Variants in SF1 observed in about 807,000 individuals in gnomAD.
SF1 encodes the protein splicing factor 1.
SF1 carries 7 observed loss-of-function variants against 62.5 expected under a neutral mutation model. The observed-to-expected ratio is 0.11, with a 90% CI of 0.06 to 0.21. The LOEUF (loss-of-function observed/expected upper bound fraction) is 0.21, where lower values mean the gene tolerates loss of function less well. Among genes scored for constraint, SF1 ranks in the 10% least tolerant of loss-of-function variants. The probability of loss-of-function intolerance (pLI) is 1.00; values close to 1 mark genes in which losing one functional copy is unlikely to be tolerated. For missense variants in SF1, 578 were observed against 884.0 expected (o/e 0.65, Z 4.39); for synonymous variants, 394 against 323.6 (o/e 1.22, Z -2.33).
chr11:64,769,207 T>C lies in SF1; in HGVS notation c.779+16A>G, dbSNP rs1221910972. 5.6e-6 allele frequency: 9 copies of C among 1,612,820 alleles called. No individual in the cohort carries two copies. In the Middle Eastern group the frequency reaches 8.3e-4, roughly 148 times the overall value. On this transcript the variant is annotated intron_variant, in intron 7 of 12. Transcript: ENST00000377390. Reference sequence around the variant, plus strand: ...TTCTTCAGGTCTCTACACTCTCCTTTAAACTGATCACATACCTGTTATCGT... The same window carrying C: ...TTCTTCAGGTCTCTACACTCTCCTTCAAACTGATCACATACCTGTTATCGT...
chr11:64,765,896 G>A lies in SF1; in HGVS notation c.1842C>T (p.Thr614=). 1 of 1,565,290 alleles carries A rather than the reference G, an allele frequency of 6.4e-7. No individual in the cohort carries two copies. Among genetic ancestry groups the A allele is most frequent in the Admixed American group, 1.9e-5 (1 of 52,688 alleles). Reference sequence around the variant, plus strand: ...TGCCCGCCACCCCCATGCCCATCATGGTGACAAAGTTAGAAGGGTCCATGG... The same window carrying A: ...TGCCCGCCACCCCCATGCCCATCATAGTGACAAAGTTAGAAGGGTCCATGG... ...PPPMDPSNFV[T]MMGMGVAGMP... Residue 614 remains threonine (T), a synonymous_variant, in exon 13 of 13, where the codon ACC becomes ACT. Transcript: ENST00000377390.
chr11:64,768,613 G>A (rs1189227709), intron 8 of SF1, among the ~76,000 whole-genome samples: 2 of 152,246 alleles, frequency 1.3e-5, no homozygotes, highest in Non-Finnish European at 2.9e-5. Flanking sequence ...ATCTATGCAA[G>A]ACTGGCACAA....
chr11:64,767,832 T>G lies in SF1; in HGVS notation c.1081A>C (p.Thr361Pro), dbSNP rs749936399. ...NNPPPPSLMS[T>P]TQSRPPWMNS... Reference sequence around the variant, plus strand: ...ATCCAGGGTGGGCGGCTCTGGGTGGTAGACATGAGAGACTACGTGAGAGCA... The same window carrying G: ...ATCCAGGGTGGGCGGCTCTGGGTGGGAGACATGAGAGACTACGTGAGAGCA... Residue 361 changes from threonine (T) to proline (P), a missense_variant, in exon 10 of 13, where the codon ACC (threonine) becomes CCC (proline). Thr to Pro is a conservative substitution (Grantham distance 38). Coordinates refer to ENST00000377390, the MANE Select transcript of SF1 (RefSeq NM_004630.4). The G allele has an allele frequency of 1.9e-6, 3 of 1,611,678 alleles. No individual in the cohort carries two copies. The highest frequency in any genetic ancestry group is 1.7e-5 in the Admixed American group (1 of 59,234).
intron 3 of SF1, chr11:64,773,137 A>G (rs1469351405): frequency 1.6e-6 from 2 of 1,217,740 alleles, no homozygotes; most frequent in Admixed American, 4.6e-5. Flanking sequence ...GGGCCACCTC[A>G]CTGTCCCCTA....
At chr11:64,771,210 TCTCA>T (rs1409619033) in intron 3 of SF1, among the ~76,000 whole-genome samples, 1 of 152,240 alleles carries the variant, frequency 6.6e-6, no homozygotes, top group Non-Finnish European at 1.5e-5. Context: ...ATTTTCTCTC[TCTCA>T]TTTTTTTAAG....
chr11:64,778,112 G>A (rs1232118573), intron 1 of SF1: 8 of 872,394 alleles, frequency 9.2e-6, no homozygotes, highest in Middle Eastern at 5.3e-4. Context: ...CGGGTACGAG[G>A]CGCCGGGGGA....
rs1174539898 is a variant in SF1, at chr11:64,769,552, C to G, written c.537G>C (p.Gly179=). The G allele has an allele frequency of 6.2e-7, 1 of 1,614,134 alleles. No homozygotes were observed. ...KECNAKIMIR[G]KGSVKEGKVG... is the part of the protein sequence containing the mutation. ...CCTTCCCTTCTTTCACAGACCCTTT[C>G]CCCCGGATCATAATCTTGGCATTGC... Residue 179 remains glycine (G), a synonymous_variant, in exon 6 of 13, where the codon GGG becomes GGC. Transcript: ENST00000377390.
intron 3 of SF1, among the ~76,000 whole-genome samples, chr11:64,771,275 G>A (rs1565571491): frequency 6.6e-6 from 1 of 152,144 alleles, no homozygotes; most frequent in African/African-American, 2.4e-5. Flanking sequence ...AAAATGGTCA[G>A]TTTACCACAG....
intron 9 of SF1, 65 bp from the exon 10 acceptor site, chr11:64,767,909 G>C: frequency 6.3e-7 from 1 of 1,576,718 alleles, no homozygotes; most frequent in East Asian, 2.3e-5. Context: ...TTGTTCTTCG[G>C]GTTATGACAC....
At position 64,770,311 on chromosome 11, in the gene SF1, G is replaced by A; in HGVS notation, c.334C>T (p.Leu112Phe). The part of the protein sequence containing the change: ...RKKLEEERHN[L>F]ITEMVALNPD... ...TTGAGTGCAACCATCTCTGTGATGA[G>A]GTTGTGCCGCTCCTCTTCCAGCTTT... The change falls in exon 4 of 13, where the codon CTC (leucine) becomes TTC (phenylalanine). Residue 112 changes from leucine (L) to phenylalanine (F), a missense_variant. This residue lies in a region of SF1 where 68 missense variants were observed against 170.7 expected (regional missense o/e 0.40). Transcript: ENST00000377390. 1.2e-6 allele frequency: 2 copies of A among 1,614,072 alleles called. No individual in the cohort carries two copies. The highest frequency in any genetic ancestry group is 1.7e-6 in the Non-Finnish European group (2 of 1,180,024).
intron 10 of SF1, 139 bp from the exon 11 acceptor site, chr11:64,767,390 C>A: frequency 9.5e-7 from 1 of 1,053,384 alleles, no homozygotes; most frequent in South Asian, 1.4e-5. Context: ...GCTTACCCAA[C>A]ACAGAATCAC....
At position 64,765,780 on chromosome 11, in the gene SF1, C is replaced by G; in HGVS notation, c.*38G>C. 6.7e-7 allele frequency: 1 copy of G among 1,499,390 alleles called. No homozygotes were observed. Among genetic ancestry groups the G allele is most frequent in the South Asian group, 1.3e-5 (1 of 76,460 alleles). 92.9% of individuals were successfully genotyped at this position (1,499,390 alleles called of 1,614,324 possible). On this transcript the variant is annotated 3_prime_UTR_variant, in exon 13 of 13. Transcript: ENST00000377390. ...TCGGCGTGTTTAAACGAGACCAATT[C>G]TCTCTATATATAATATATATTTTCT...
At chr11:64,777,703 A>T (rs1939545023) in intron 1 of SF1, 2 of 985,474 alleles carry the variant, frequency 2.0e-6, no homozygotes, top group Non-Finnish European at 2.4e-6. Flanking sequence ...ACTGGACAGC[A>T]ATAGTGGGCC....
Position 64,778,519 on chromosome 11 carries a change from G to A in SF1, c.-127C>T, listed in dbSNP as rs1415404265. ...CGCGGAGCCCGTCCTCTCACGCGGC[G>A]GGCGGCGGCGGCGCGAGACGCACAA... On this transcript the variant is annotated 5_prime_UTR_variant, in exon 1 of 13. Coordinates refer to ENST00000377390, the MANE Select transcript of SF1 (RefSeq NM_004630.4). The A allele has an allele frequency of 3.3e-6, 4 of 1,202,212 alleles. No individual in the cohort carries two copies. The highest frequency in any genetic ancestry group is 4.1e-6 in the Non-Finnish European group (4 of 968,604). The allele number at this position is 1,202,212 out of a possible 1,614,324, so 74.5% of individuals were successfully genotyped here.
chr11:64,768,617 G>A (rs140194584), intron 8 of SF1, among the ~76,000 whole-genome samples: 1 of 152,234 alleles, frequency 6.6e-6, no homozygotes, highest in Non-Finnish European at 1.5e-5. Context: ...ATGCAAGACT[G>A]GCACAACTGC....
In SF1 at chr11:64,768,190, A is replaced by G. The variant is rs764010751; in HGVS notation, c.984T>C (p.Ser328=). ...TGGCAGGCCCAGAGGTGGAGCCCAC[A>G]GATGCTGGGACAGGTGCTTCACCCA... ...AELGEAPVPA[S]VGSTSGPATT... The change falls in exon 9 of 13, where the codon TCT becomes TCC. Residue 328 remains serine (S), a synonymous_variant. Transcript: ENST00000377390. 6.2e-7 allele frequency: 1 copy of G among 1,614,060 alleles called. No homozygotes were observed. The highest frequency in any genetic ancestry group is 8.5e-7 in the Non-Finnish European group (1 of 1,179,966).
intron 12 of SF1, chr11:64,766,668 C>T (rs1277057789): frequency 6.7e-6 from 3 of 450,604 alleles, no homozygotes; most frequent in African/African-American, 2.0e-5. Flanking sequence ...CAATAGCAGG[C>T]TCCCCTCCAG....
At chr11:64,772,595 A>G (rs1273772362) in intron 3 of SF1, 2 of 985,010 alleles carry the variant, frequency 2.0e-6, no homozygotes, top group South Asian at 4.7e-5. Context: ...CTTTTCAACT[A>G]TTCTGTATGT....
chr11:64,778,531 C>T lies in SF1; in HGVS notation c.-139G>A. On this transcript the variant is annotated 5_prime_UTR_variant, in exon 1 of 13. Transcript: ENST00000377390. ...CCTCTCACGCGGCGGGCGGCGGCGG[C>T]GCGAGACGCACAAAGAGGGAGGAGA... The T allele has an allele frequency of 2.5e-6, 3 of 1,181,972 alleles. No individual in the cohort carries two copies. The highest frequency in any genetic ancestry group is 3.1e-6 in the Non-Finnish European group (3 of 955,678). 73.2% of individuals were successfully genotyped at this position (1,181,972 alleles called of 1,614,324 possible).
Sources: allele counts gnomAD v4.1 joint callset (sites outside exome capture counted in the v4.1 genomes callset), GRCh38; gene constraint gnomAD v4.1.1; regional missense constraint gnomAD v4.1.1; transcripts MANE v1.5; gene names NCBI Gene and HGNC (gene_info 2026-07-23, HGNC 2026-07-21).